The following ZDHHC7 variants were observed in gnomAD, a reference collection of about 807,000 sequenced individuals.
ZDHHC7 encodes zDHHC palmitoyltransferase 7, also known as palmitoyltransferase ZDHHC7.
ZDHHC7 carries 12 observed loss-of-function variants against 34.1 expected under a neutral mutation model. That is an observed-to-expected ratio of 0.35 (90% confidence interval 0.23 to 0.57). The LOEUF (loss-of-function observed/expected upper bound fraction) is 0.57. Among genes scored for constraint, ZDHHC7 ranks in the 20% least tolerant of loss-of-function variants. ZDHHC7 has a pLI of 0.84. For missense variants in ZDHHC7, 388 were observed against 402.7 expected, an observed-to-expected ratio of 0.96 and a Z score of 0.31; for synonymous variants, 185 against 155.4, an observed-to-expected ratio of 1.19 and a Z score of -1.42.
At chr16:84,987,940 C>A (rs190230501) in intron 3 of ZDHHC7, among the ~76,000 whole-genome samples, 2 of 152,132 alleles carry the variant, frequency 1.3e-5, no homozygotes, top group African/African-American at 2.4e-5. Context: ...GAGGCCGAGG[C>A]GGGCAGATCA....
chr16:84,978,862 CAAAAAAAA>C (rs200114312), intron 5 of ZDHHC7, among the ~76,000 whole-genome samples: 10 of 107,470 alleles, frequency 9.3e-5, no homozygotes, highest in African/African-American at 3.3e-4. Flanking sequence ...AACTCCATCT[CAAAAAAAA>C]AAAAAAGAAA....
At chr16:85,008,681 C>G (rs2072749708) in intron 1 of ZDHHC7, among the ~76,000 whole-genome samples, 1 of 151,800 alleles carries the variant, frequency 6.6e-6, no homozygotes, top group South Asian at 2.1e-4. Flanking sequence ...ACCCTGGAGA[C>G]TAACTTTGGG....
intron 1 of ZDHHC7, among the ~76,000 whole-genome samples, chr16:85,009,116 A>G (rs1597567768): frequency 6.6e-6 from 1 of 152,010 alleles, no homozygotes; most frequent in Non-Finnish European, 1.5e-5. Context: ...GCTTTAGTAA[A>G]ATTATCTTGT....
chr16:85,019,388 C>T, the ZDHHC7 span, among the ~76,000 whole-genome samples: 2 of 152,144 alleles, frequency 1.3e-5, no homozygotes, highest in African/African-American at 4.8e-5. Flanking sequence ...TGCATGCCAG[C>T]CTGGGCAACA....
chr16:84,974,660 C>T lies in ZDHHC7; in HGVS notation c.*1683G>A, dbSNP rs1277055396. 6.5e-6 allele frequency: 1 copy of T among 152,684 alleles called. No homozygotes were observed. The highest frequency in any genetic ancestry group is 1.9e-4 in the East Asian group (1 of 5,196). The allele number at this position is 152,684 out of a possible 1,614,324, so 9.5% of individuals were successfully genotyped here. On this transcript the variant is annotated 3_prime_UTR_variant, in exon 8 of 8. Coordinates refer to ENST00000313732, the MANE Select transcript of ZDHHC7 (RefSeq NM_017740.3). ...CCACACGCATGTCCAACCCAGACAA[C>T]AATGTGCAAATGAATATGCAGAACA... is the stretch of plus-strand genomic sequence containing the variant.
chr16:84,987,501 T>G (rs1380981370), intron 3 of ZDHHC7, among the ~76,000 whole-genome samples: 2 of 152,104 alleles, frequency 1.3e-5, no homozygotes, highest in Non-Finnish European at 2.9e-5. Flanking sequence ...CCATTTTCTT[T>G]TTTTTCCCCC....
the ZDHHC7 span, among the ~76,000 whole-genome samples, chr16:85,023,732 C>T: frequency 3.3e-5 from 5 of 152,188 alleles, no homozygotes; most frequent in African/African-American, 9.6e-5. Context: ...AACCCTCTAA[C>T]CTCAGGCTTC....
the ZDHHC7 span, among the ~76,000 whole-genome samples, chr16:85,017,709 T>C: frequency 1.3e-5 from 2 of 152,262 alleles, no homozygotes; most frequent in East Asian, 1.9e-4. Flanking sequence ...CAAACACCAA[T>C]GGGACCTCAA....
At chr16:85,008,731 G>A (rs1329332380) in intron 1 of ZDHHC7, among the ~76,000 whole-genome samples, 1 of 149,200 alleles carries the variant, frequency 6.7e-6, no homozygotes, top group African/African-American at 2.5e-5. Flanking sequence ...TTGACTTTAT[G>A]TTCTGCTCTA....
At chr16:84,997,546 A>G (rs1567502685) in intron 1 of ZDHHC7, among the ~76,000 whole-genome samples, 1 of 150,448 alleles carries the variant, frequency 6.6e-6, no homozygotes, top group Non-Finnish European at 1.5e-5. Context: ...GCTGGGATTA[A>G]AGGTGTGAGA....
At chr16:84,977,339 T>G (rs150775174) in intron 6 of ZDHHC7, 114 bp from the exon 7 acceptor site, 2 of 1,376,104 alleles carry the variant, frequency 1.5e-6, no homozygotes, top group East Asian at 2.3e-5. Flanking sequence ...CAGGGGGAAG[T>G]TGTTCACTTT....
Position 84,976,288 on chromosome 16 carries a change from C to T in ZDHHC7, c.*55G>A. On this transcript the variant is annotated 3_prime_UTR_variant, in exon 8 of 8. Coordinates refer to ENST00000313732, the MANE Select transcript of ZDHHC7 (RefSeq NM_017740.3). ...AGATGAGCTGTTGATATCCTTCAGA[C>T]CCCAAATAAATAACTGGAAGTCTGT... 1 of 1,604,648 alleles carries T rather than the reference C, an allele frequency of 6.2e-7. No individual in the cohort carries two copies. The highest frequency in any genetic ancestry group is 8.5e-7 in the Non-Finnish European group (1 of 1,176,556).
chr16:85,021,888 G>A, the ZDHHC7 span, among the ~76,000 whole-genome samples: 5 of 152,098 alleles, frequency 3.3e-5, no homozygotes, highest in Admixed American at 3.3e-4. Flanking sequence ...CGGGCGCAGT[G>A]GCTCACGCCT....
At chr16:85,005,584 A>G (rs1455605125) in intron 1 of ZDHHC7, among the ~76,000 whole-genome samples, 1 of 152,224 alleles carries the variant, frequency 6.6e-6, no homozygotes, top group Admixed American at 6.5e-5. Flanking sequence ...GTGTTCTTCC[A>G]CTAAAATACA....
chr16:84,984,550 G>A (rs1431051334), intron 3 of ZDHHC7, among the ~76,000 whole-genome samples: 1 of 152,122 alleles, frequency 6.6e-6, no homozygotes, highest in East Asian at 1.9e-4. Flanking sequence ...ATACACTTCT[G>A]GAAAGCGGCT....
In ZDHHC7 at chr16:85,009,701, C is replaced by CTTTT. The variant is rs200213740; in HGVS notation, c.-104+1581_-104+1584dup. Among the ~76,000 whole-genome samples, 58 of 132,302 alleles carry CTTTT rather than the reference C, an allele frequency of 4.4e-4. 1 individual carries two copies. Among genetic ancestry groups the CTTTT allele is most frequent in the Admixed American group, 1.1e-3 (12 of 11,304 alleles). 86.8% of individuals were successfully genotyped at this position (132,302 alleles called of 152,430 possible). A position where few individuals can be genotyped will look rare whatever the true frequency, so the allele number is the denominator to read the frequency against. The stretch of plus-strand genomic sequence containing the variant: ...GCCTTTCACTTTAACCAAGTTCTGA[C>CTTTT]TTTTTTTCTTTTTTTTTTTTTTTTT... On this transcript the variant is annotated intron_variant, in intron 1 of 7. Transcript: ENST00000313732.
At chr16:85,014,395 C>T (rs557131562), upstream of ZDHHC7, among the ~76,000 whole-genome samples, 189 of 152,132 alleles carry the variant, frequency 1.2e-3, no homozygotes, top group South Asian at 4.8e-3. Context: ...TCAAGGTGCT[C>T]TTTTTTTTAG....
In ZDHHC7 at chr16:84,987,308, C is replaced by T. The variant is rs115180106; in HGVS notation, c.315+2996G>A. Among the ~76,000 whole-genome samples, 849 of 152,358 alleles carry T rather than the reference C, an allele frequency of 5.6e-3. 5 individuals are homozygous for T. The highest frequency in any genetic ancestry group is 0.02 in the African/African-American group (819 of 41,574). On this transcript the variant is annotated intron_variant, in intron 3 of 7. Transcript: ENST00000313732. ...AACAAGCCCATGAAATGATGCTCAA[C>T]ATCGTTGGTCATTAGGGAGATACAC... is the stretch of plus-strand genomic sequence containing the variant.
At chr16:84,997,619 G>C (rs953552146) in intron 1 of ZDHHC7, among the ~76,000 whole-genome samples, 1 of 151,090 alleles carries the variant, frequency 6.6e-6, no homozygotes, top group South Asian at 2.1e-4. Flanking sequence ...AATGGGCCAG[G>C]CACAGTGGCT....
Sources: allele counts gnomAD v4.1 joint callset (sites outside exome capture counted in the v4.1 genomes callset), GRCh38; gene constraint gnomAD v4.1.1; transcripts MANE v1.5; gene names NCBI Gene and HGNC (gene_info 2026-07-23, HGNC 2026-07-21).